The following BACH2 variants were observed in gnomAD, a reference collection of about 807,000 sequenced individuals.
BACH2 encodes BACH transcriptional regulator 2.
Under a neutral mutation model 61.8 loss-of-function variants are expected in BACH2, and 5 were observed. The ratio of observed to expected loss-of-function variants is 0.08; its 90% CI spans 0.04 to 0.17. The LOEUF is 0.17. Ranked by LOEUF, BACH2 falls within the 10% of genes least tolerant of loss-of-function variation. The pLI is 1.00. For missense variants in BACH2, 824 were observed against 1,091.1 expected (o/e 0.76, Z 3.45); for synonymous variants, 446 against 440.1 (o/e 1.01, Z -0.17).
At chr6:90,292,076 T>C (rs917851364) in intron 1 of BACH2, among the ~76,000 whole-genome samples, 9 of 152,246 alleles carry the variant, frequency 5.9e-5, no homozygotes, top group Admixed American at 1.3e-4. Context: ...GCAGGGACCA[T>C]GTTCTCTGTA....
intron 5 of BACH2, among the ~76,000 whole-genome samples, chr6:90,042,626 C>T (rs1177938953): frequency 6.6e-6 from 1 of 152,134 alleles, no homozygotes; most frequent in African/African-American, 2.4e-5. Context: ...CACATGAGCA[C>T]ATAAAAACAC....
rs143447394 is a variant in BACH2, at chr6:90,294,641, C to T, written c.-446+1839G>A. On this transcript the variant is annotated intron_variant, in intron 1 of 8. Coordinates refer to ENST00000257749, the MANE Select transcript of BACH2 (RefSeq NM_021813.4). ...ATTCTAACAAGATGTCATTTTGACTCACGTTTATTATTACCTGCAAGAATG... is the reference window on the plus strand; with the variant it reads ...ATTCTAACAAGATGTCATTTTGACTTACGTTTATTATTACCTGCAAGAATG... Among the ~76,000 whole-genome samples the T allele has an allele frequency of 2.0e-3, 301 of 152,184 alleles. 1 individual carries two copies. Among genetic ancestry groups the T allele is most frequent in the African/African-American group, 7.0e-3 (290 of 41,558 alleles).
chr6:90,293,719 T>C (rs1772252341), intron 1 of BACH2, among the ~76,000 whole-genome samples: 1 of 152,208 alleles, frequency 6.6e-6, no homozygotes, highest in Non-Finnish European at 1.5e-5. Context: ...GCAGTTATTA[T>C]TACCCTCTAT....
intron 6 of BACH2, among the ~76,000 whole-genome samples, chr6:89,963,951 C>T (rs1197972868): frequency 6.6e-6 from 1 of 152,082 alleles, no homozygotes; most frequent in African/African-American, 2.4e-5. Context: ...TTAAACTAAT[C>T]ATAAAAAGAA....
chr6:89,967,709 A>G (rs1775119651), intron 6 of BACH2, among the ~76,000 whole-genome samples: 1 of 152,200 alleles, frequency 6.6e-6, no homozygotes, highest in Admixed American at 6.5e-5. Context: ...CTCTAGGTAG[A>G]GGCACCATTG....
intron 1 of BACH2, among the ~76,000 whole-genome samples, chr6:90,284,039 G>A (rs2127888236): frequency 1.3e-5 from 2 of 150,456 alleles, no homozygotes; most frequent in East Asian, 3.9e-4. Flanking sequence ...AATAAATAAA[G>A]CACTTAGAAA....
At chr6:89,937,464 G>A (rs148062446) in intron 8 of BACH2, among the ~76,000 whole-genome samples, 399 of 152,266 alleles carry the variant, frequency 2.6e-3, no homozygotes, top group African/African-American at 9.1e-3. Flanking sequence ...AGGATTAAAT[G>A]GGATCATCCA....
chr6:90,295,624 A>G (rs2127896437), intron 1 of BACH2, among the ~76,000 whole-genome samples: 1 of 151,324 alleles, frequency 6.6e-6, no homozygotes, highest in East Asian at 2.0e-4. Context: ...TCCTGGGTGA[A>G]GCTTCTGGGG....
chr6:90,214,268 T>C (rs1213970957), intron 3 of BACH2, among the ~76,000 whole-genome samples: 2 of 152,168 alleles, frequency 1.3e-5, no homozygotes. Context: ...TTACTAACCA[T>C]GTCTTATTTA....
chr6:90,124,492 G>A (rs536105665), intron 4 of BACH2, among the ~76,000 whole-genome samples: 2 of 152,108 alleles, frequency 1.3e-5, no homozygotes, highest in Non-Finnish European at 2.9e-5. Flanking sequence ...TCAGAATTTC[G>A]GGCCCTGACA....
intron 6 of BACH2, among the ~76,000 whole-genome samples, chr6:89,989,493 G>T (rs1776422597): frequency 6.6e-6 from 1 of 152,130 alleles, no homozygotes; most frequent in African/African-American, 2.4e-5. Context: ...GAGAGAGAGA[G>T]GGCAAATCCA....
intron 5 of BACH2, among the ~76,000 whole-genome samples, chr6:90,022,453 G>A (rs868756349): frequency 3.6e-4 from 54 of 152,088 alleles, no homozygotes; most frequent in Admixed American, 1.4e-3. Flanking sequence ...GTATATTAGT[G>A]CATGCCTGTA....
At chr6:89,962,676 A>C (rs1015468340) in intron 6 of BACH2, among the ~76,000 whole-genome samples, 5 of 152,190 alleles carry the variant, frequency 3.3e-5, no homozygotes, top group Non-Finnish European at 7.3e-5. Flanking sequence ...CTCCTGAATC[A>C]TCTTTCCCCA....
At chr6:90,249,507 A>G (rs1423600867) in intron 3 of BACH2, among the ~76,000 whole-genome samples, 3 of 152,244 alleles carry the variant, frequency 2.0e-5, no homozygotes, top group Admixed American at 2.0e-4. Context: ...GCAGTGGCTC[A>G]TGCCTGTAAT....
intron 3 of BACH2, among the ~76,000 whole-genome samples, chr6:90,207,998 A>G (rs1389919694): frequency 1.3e-5 from 2 of 152,226 alleles, no homozygotes; most frequent in Admixed American, 6.5e-5. Context: ...GATGATAGAG[A>G]GAGGAAATTG....
intron 4 of BACH2, among the ~76,000 whole-genome samples, chr6:90,192,156 G>GTAT (rs1420700258): frequency 6.6e-6 from 1 of 152,194 alleles, no homozygotes; most frequent in Non-Finnish European, 1.5e-5. Context: ...TTATGGTTCA[G>GTAT]TATTAATGTG....
intron 3 of BACH2, among the ~76,000 whole-genome samples, chr6:90,244,791 C>A (rs961361872): frequency 6.6e-6 from 1 of 152,236 alleles, no homozygotes; most frequent in Non-Finnish European, 1.5e-5. Flanking sequence ...TCTGAGCCAT[C>A]ATCACCCTCA....
chr6:90,214,751 C>CTTTTT (rs563651580), intron 3 of BACH2, among the ~76,000 whole-genome samples: 4 of 94,280 alleles, frequency 4.2e-5, no homozygotes, highest in South Asian at 4.0e-4. Flanking sequence ...GATTCTGTTC[C>CTTTTT]TTTTTTTTTT....
chr6:90,014,944 A>ATTT (rs386407909), intron 5 of BACH2, among the ~76,000 whole-genome samples: 10 of 133,630 alleles, frequency 7.5e-5, no homozygotes, highest in South Asian at 2.4e-4. Flanking sequence ...ATGTTCAGCT[A>ATTT]TTTTTTTTTT....
Sources: allele counts gnomAD v4.1 joint callset (sites outside exome capture counted in the v4.1 genomes callset), GRCh38; gene constraint gnomAD v4.1.1; transcripts MANE v1.5; gene names NCBI Gene and HGNC (gene_info 2026-07-23, HGNC 2026-07-21).